MSH3: variants seen among roughly 807,000 people sequenced by gnomAD.
The protein encoded by MSH3 is mutS homolog 3, also known as DNA mismatch repair protein Msh3.
Under a neutral mutation model 123.3 loss-of-function variants are expected in MSH3, and 106 were observed. That is an observed-to-expected ratio of 0.86 (90% confidence interval 0.73 to 1.01). The LOEUF (loss-of-function observed/expected upper bound fraction) is 1.01. Ranked by LOEUF, MSH3 falls within the 50% of genes least tolerant of loss-of-function variation. MSH3 has a pLI of 0.00. For missense variants in MSH3, 1,459 were observed against 1,347.6 expected (o/e 1.08, Z -1.29); for synonymous variants, 515 against 481.4 (o/e 1.07, Z -0.91).
intron 10 of MSH3, among the ~76,000 whole-genome samples, chr5:80,736,407 T>C (rs1013997517): frequency 6.6e-6 from 1 of 151,804 alleles, no homozygotes; most frequent in African/African-American, 2.4e-5. Flanking sequence ...AGCGTAAACT[T>C]GAAAGAACAT....
Position 80,665,120 on chromosome 5 carries a change from TTTC to T in MSH3, c.359-17_359-15del, listed in dbSNP as rs778717065. Reference sequence around the variant, plus strand: ...GAGACCAAAATTACTATTGTTCTGTTTTCTTCTTATTTGCTGCCTAAGAGCCAA... The same window carrying T: ...GAGACCAAAATTACTATTGTTCTGTTTTCTTATTTGCTGCCTAAGAGCCAA... On this transcript the variant is annotated intron_variant, in intron 2 of 23. Transcript: ENST00000265081. 8.1e-6 allele frequency: 13 copies of T among 1,595,128 alleles called. No individual in the cohort carries two copies. In the African/African-American group the frequency reaches 1.7e-4, roughly 21 times the overall value.
intron 17 of MSH3, 142 bp downstream of exon 17, chr5:80,778,978 TTC>T: frequency 1.7e-6 from 1 of 577,366 alleles, no homozygotes; most frequent in Non-Finnish European, 3.0e-6. Flanking sequence ...CTGATTTTAT[TTC>T]TTTTTTTTTT....
At chr5:80,673,260 G>A (rs1046728225) in intron 6 of MSH3, among the ~76,000 whole-genome samples, 2 of 152,162 alleles carry the variant, frequency 1.3e-5, no homozygotes, top group African/African-American at 4.8e-5. Context: ...CAGGCGCTGT[G>A]GCTCATGCCT....
intron 19 of MSH3, among the ~76,000 whole-genome samples, chr5:80,805,054 A>G (rs1310734668): frequency 6.6e-6 from 1 of 152,224 alleles, no homozygotes; most frequent in African/African-American, 2.4e-5. Context: ...TTGGGCCAAA[A>G]GACCCACAGG....
At chr5:80,807,084 C>T (rs28831684) in intron 19 of MSH3, among the ~76,000 whole-genome samples, 18,112 of 150,090 alleles carry the variant, frequency 0.12, 1,255 homozygotes, top group African/African-American at 0.19. Context: ...CCCAACTACT[C>T]TGGAGACTGT....
intron 12 of MSH3, among the ~76,000 whole-genome samples, chr5:80,748,928 G>C (rs1743774879): frequency 2.0e-5 from 3 of 151,958 alleles, no homozygotes; most frequent in African/African-American, 7.3e-5. Context: ...GTTTATCTTA[G>C]AGGTATTCCA....
In MSH3 at chr5:80,729,413, C is replaced by CAAAA. The variant is rs71603562; in HGVS notation, c.1568+462_1568+465dup. On this transcript the variant is annotated intron_variant, in intron 10 of 23. Transcript: ENST00000265081. Reference sequence around the variant, plus strand: ...CCTGGGCGACAGCGAGACTCCGTCCCAAAAAAAAAAAAAAAAATGTGTGTG... The same window carrying CAAAA: ...CCTGGGCGACAGCGAGACTCCGTCCCAAAAAAAAAAAAAAAAAAAAATGTGTGTG... Among the ~76,000 whole-genome samples, 128 of 66,252 alleles carry CAAAA rather than the reference C, an allele frequency of 1.9e-3. 4 individuals are homozygous for CAAAA. Among genetic ancestry groups the CAAAA allele is most frequent in the South Asian group, 0.018 (33 of 1,822 alleles). 43.5% of individuals were successfully genotyped at this position (66,252 alleles called of 152,430 possible).
intron 20 of MSH3, among the ~76,000 whole-genome samples, chr5:80,849,713 C>G (rs867815289): frequency 1.3e-5 from 2 of 152,224 alleles, no homozygotes; most frequent in African/African-American, 2.4e-5. Context: ...GTCTACAGGC[C>G]TGGCCCATGA....
chr5:80,777,312 G>A (rs1744323736), intron 16 of MSH3, among the ~76,000 whole-genome samples: 2 of 131,414 alleles, frequency 1.5e-5, no homozygotes, highest in African/African-American at 2.8e-5. Context: ...ACCAGAAGCT[G>A]TACTTTAGAT....
At chr5:80,863,269 A>G (rs1163894515) in intron 21 of MSH3, among the ~76,000 whole-genome samples, 1 of 152,250 alleles carries the variant, frequency 6.6e-6, no homozygotes, top group Non-Finnish European at 1.5e-5. Context: ...ATGGCCCGTG[A>G]CACAGCCCTC....
At chr5:80,820,645 T>C (rs1354902938) in intron 20 of MSH3, among the ~76,000 whole-genome samples, 1 of 152,216 alleles carries the variant, frequency 6.6e-6, no homozygotes, top group East Asian at 1.9e-4. Flanking sequence ...AACATCCCCT[T>C]GTGATTCAAA....
At chr5:80,712,799 G>A (rs1448644754) in intron 8 of MSH3, among the ~76,000 whole-genome samples, 1 of 151,178 alleles carries the variant, frequency 6.6e-6, no homozygotes, top group African/African-American at 2.4e-5. Flanking sequence ...CCTGGTGGTT[G>A]GTTTTAGAAT....
chr5:80,876,725 T>C lies in MSH3; in HGVS notation c.*863T>C, dbSNP rs990213360. On this transcript the variant is annotated 3_prime_UTR_variant, in exon 24 of 24. Coordinates refer to ENST00000265081, the MANE Select transcript of MSH3 (RefSeq NM_002439.5). ...AGGTCATGAAATTTAAAAGGTTAAA[T>C]ATTGTCATAGGATTAAGCAGTTTAA... is the stretch of plus-strand genomic sequence containing the variant. Among the ~76,000 whole-genome samples the C allele has an allele frequency of 6.6e-6, 1 of 152,160 alleles. No homozygotes were observed. Among genetic ancestry groups the C allele is most frequent in the African/African-American group, 2.4e-5 (1 of 41,434 alleles).
At chr5:80,729,460 G>GTGTATA (rs1277559108) in intron 10 of MSH3, among the ~76,000 whole-genome samples, 6 of 95,032 alleles carry the variant, frequency 6.3e-5, no homozygotes, top group African/African-American at 2.5e-4. Flanking sequence ...GTGTGTGTGT[G>GTGTATA]TATATATATA....
At chr5:80,698,257 T>C (rs1750529668) in intron 8 of MSH3, among the ~76,000 whole-genome samples, 1 of 152,244 alleles carries the variant, frequency 6.6e-6, no homozygotes, top group Admixed American at 6.5e-5. Context: ...TTGATACATC[T>C]TCTAAGTTGA....
intron 8 of MSH3, 66 bp from the exon 9 acceptor site, chr5:80,725,387 G>T: frequency 9.6e-7 from 1 of 1,046,384 alleles, no homozygotes; most frequent in Admixed American, 1.7e-5. Flanking sequence ...TTCTGGCCAA[G>T]ACCTAAATAC....
At chr5:80,686,959 C>T (rs565526364) in intron 8 of MSH3, among the ~76,000 whole-genome samples, 1 of 152,224 alleles carries the variant, frequency 6.6e-6, no homozygotes, top group Non-Finnish European at 1.5e-5. Context: ...ACTTTAACCA[C>T]AAGAGGTCTC....
At chr5:80,666,391 C>T (rs1025302315) in intron 3 of MSH3, among the ~76,000 whole-genome samples, 4 of 152,152 alleles carry the variant, frequency 2.6e-5, no homozygotes, top group African/African-American at 9.7e-5. Context: ...CAAGATTTCA[C>T]ACCTTTCCCA....
At chr5:80,663,365 T>G (rs774232494) in intron 2 of MSH3, among the ~76,000 whole-genome samples, 3 of 152,298 alleles carry the variant, frequency 2.0e-5, no homozygotes, top group Non-Finnish European at 2.9e-5. Context: ...CAGCTAGGCT[T>G]GCAGAGAATT....
Sources: allele counts gnomAD v4.1 joint callset (sites outside exome capture counted in the v4.1 genomes callset), GRCh38; gene constraint gnomAD v4.1.1; transcripts MANE v1.5; gene names NCBI Gene and HGNC (gene_info 2026-07-23, HGNC 2026-07-21).